Variants in CHPT1 observed in about 807,000 individuals in gnomAD.
CHPT1 encodes the protein choline phosphotransferase 1.
Under a neutral mutation model 47.6 loss-of-function variants are expected in CHPT1, and 36 were observed. The ratio of observed to expected loss-of-function variants is 0.76; its 90% confidence interval spans 0.58 to 1.00. The LOEUF (loss-of-function observed/expected upper bound fraction) is 1.00, where lower values mean the gene tolerates loss of function less well. Among genes scored for constraint, CHPT1 ranks in the 50% least tolerant of loss-of-function variants. The probability of loss-of-function intolerance (pLI) is 0.00; values close to 1 mark genes in which losing one functional copy is unlikely to be tolerated. For synonymous variants in CHPT1, 194 were observed against 186.3 expected (o/e 1.04, Z -0.33); for missense variants, 458 against 498.1 (o/e 0.92, Z 0.77).
At chr12:101,700,721 A>G (rs1342354859) in intron 1 of CHPT1, among the ~76,000 whole-genome samples, 1 of 152,194 alleles carries the variant, frequency 6.6e-6, no homozygotes, top group Non-Finnish European at 1.5e-5. Context: ...TCTTGTTATC[A>G]GCCAAAGAGG....
chr12:101,710,772 A>G (rs972235667), intron 1 of CHPT1, among the ~76,000 whole-genome samples: 2 of 148,810 alleles, frequency 1.3e-5, no homozygotes, highest in Admixed American at 6.8e-5. Flanking sequence ...TAAGCTTTCA[A>G]TGTTGACTTT....
chr12:101,702,125 T>C (rs568683152), intron 1 of CHPT1, among the ~76,000 whole-genome samples: 1 of 152,184 alleles, frequency 6.6e-6, no homozygotes, highest in Non-Finnish European at 1.5e-5. Context: ...TTAATGTAAC[T>C]CCTACATTTA....
chr12:101,724,178 C>T (rs1167678530), intron 7 of CHPT1, among the ~76,000 whole-genome samples: 2 of 150,240 alleles, frequency 1.3e-5, no homozygotes, highest in East Asian at 3.9e-4. Context: ...GAGATCATGC[C>T]ACTGCACTCC....
Position 101,697,907 on chromosome 12 carries a change from G to GCGCTGAGCGAGC in CHPT1, c.56_67dup (p.Glu19_Ser22dup), listed in dbSNP as rs776745016. 12 of 1,381,596 alleles carry GCGCTGAGCGAGC rather than the reference G, an allele frequency of 8.7e-6. No individual in the cohort carries two copies. The East Asian group carries it at 9.2e-5, about 11-fold the overall frequency. The allele number at this position is 1,381,596 out of a possible 1,614,324, so 85.6% of individuals were successfully genotyped here. ...CGGGTCCGCGCCGCGCTGGCTGAGG[G>GCGCTGAGCGAGC]CGCTGAGCGAGCCGCTGAGCGCGGC... On this transcript the variant is annotated inframe_insertion, in exon 1 of 9. Coordinates refer to ENST00000229266, the MANE Select transcript of CHPT1 (RefSeq NM_020244.3).
Position 101,708,650 on chromosome 12 carries a change from C to G in CHPT1, c.274-5440C>G, listed in dbSNP as rs1447053541. 6.5e-5 allele frequency among the ~76,000 whole-genome samples: 8 copies of G among 123,592 alleles called. 2 individuals are homozygous for G. Among genetic ancestry groups the G allele is most frequent in the East Asian group, 2.5e-4 (1 of 3,966 alleles). 81.1% of individuals were successfully genotyped at this position (123,592 alleles called of 152,430 possible). ...AGAGACAGGGTCTCACTCTGTTGCC[C>G]CAGCTGGAGTGCAGTGGCTCACTTC... On this transcript the variant is annotated intron_variant, in intron 1 of 8. Transcript: ENST00000229266.
At chr12:101,702,762 G>C (rs975953459) in intron 1 of CHPT1, among the ~76,000 whole-genome samples, 1 of 151,936 alleles carries the variant, frequency 6.6e-6, no homozygotes, top group African/African-American at 2.4e-5. Flanking sequence ...ATTAAGGCAG[G>C]ACTCTTGTAA....
chr12:101,728,787 A>C, intron 8 of CHPT1, 114 bp from the exon 9 acceptor site: 3 of 1,217,654 alleles, frequency 2.5e-6, no homozygotes, highest in Non-Finnish European at 3.5e-6. Context: ...GACTTAACAG[A>C]AAGGGAGGTC....
intron 7 of CHPT1, among the ~76,000 whole-genome samples, chr12:101,725,523 A>T (rs557254232): frequency 1.3e-5 from 2 of 152,116 alleles, no homozygotes; most frequent in Admixed American, 6.6e-5. Context: ...AAAATCAATC[A>T]TCTGTCGTAA....
At chr12:101,708,910 A>C (rs1442114638) in intron 1 of CHPT1, among the ~76,000 whole-genome samples, 4 of 149,128 alleles carry the variant, frequency 2.7e-5, no homozygotes, top group Non-Finnish European at 6.0e-5. Flanking sequence ...AAAACTTTAA[A>C]TGTTAGAATG....
chr12:101,710,726 T>C (rs1349767755), intron 1 of CHPT1, among the ~76,000 whole-genome samples: 1 of 148,946 alleles, frequency 6.7e-6, no homozygotes, highest in Admixed American at 6.8e-5. Context: ...CCATGAGACC[T>C]GCCTGTAGCT....
chr12:101,724,627 G>A (rs1951911995), intron 7 of CHPT1, among the ~76,000 whole-genome samples: 1 of 152,146 alleles, frequency 6.6e-6, no homozygotes, highest in South Asian at 2.1e-4. Flanking sequence ...TATGCTAGAT[G>A]TAAGGAACCC....
chr12:101,716,640 C>T (rs990172543), intron 3 of CHPT1, 88 bp from the exon 4 acceptor site: 3 of 732,430 alleles, frequency 4.1e-6, no homozygotes, highest in African/African-American at 3.6e-5. Context: ...GAGATTTTTA[C>T]ATCTTTGCTA....
intron 5 of CHPT1, among the ~76,000 whole-genome samples, chr12:101,722,393 C>T (rs906748862): frequency 1.3e-5 from 2 of 152,022 alleles, no homozygotes; most frequent in Non-Finnish European, 2.9e-5. Flanking sequence ...GATTTAATAA[C>T]CTCAATACCA....
chr12:101,698,894 T>C (rs556168043), intron 1 of CHPT1, among the ~76,000 whole-genome samples: 1 of 152,220 alleles, frequency 6.6e-6, no homozygotes, highest in Non-Finnish European at 1.5e-5. Context: ...TTCACTCCCA[T>C]CTATAGTTTA....
At chr12:101,704,139 T>G (rs1353093168) in intron 1 of CHPT1, among the ~76,000 whole-genome samples, 1 of 152,206 alleles carries the variant, frequency 6.6e-6, no homozygotes, top group Admixed American at 6.5e-5. Context: ...CCCTTCTGCA[T>G]AGATGTCAAT....
At position 101,720,113 on chromosome 12, in the gene CHPT1, AC is replaced by A; in HGVS notation, c.649-6del. Reference sequence around the variant, plus strand: ...GTTGTCTTAATTGTTTCTTTCTTCTACCCCTAAAGATTCCTATTCTAGAAAT... The same window carrying A: ...GTTGTCTTAATTGTTTCTTTCTTCTACCCTAAAGATTCCTATTCTAGAAAT... On this transcript the variant is annotated splice_polypyrimidine_tract_variant and intron_variant, in intron 4 of 8. Transcript: ENST00000229266. 1 of 1,569,422 alleles carries A rather than the reference AC, an allele frequency of 6.4e-7. No individual in the cohort carries two copies. The highest frequency in any genetic ancestry group is 8.6e-7 in the Non-Finnish European group (1 of 1,160,436).
chr12:101,714,157 A>G lies in CHPT1; in HGVS notation c.341A>G (p.Asp114Gly), dbSNP rs747854303. The G allele has an allele frequency of 6.2e-7, 1 of 1,612,470 alleles. No homozygotes were observed. Among genetic ancestry groups the G allele is most frequent in the African/African-American group, 1.3e-5 (1 of 74,896 alleles). Reference sequence around the variant, plus strand: ...ATTTACCAGTCACTGGATGCTATTGATGGGAAACAAGCCAGAAGAACAAAC... The same window carrying G: ...ATTTACCAGTCACTGGATGCTATTGGTGGGAAACAAGCCAGAAGAACAAAC... ...LFIYQSLDAIDGKQARRTNSC... is the reference protein window; with the variant it reads ...LFIYQSLDAIGGKQARRTNSC... The change falls in exon 2 of 9, where the codon GAT (aspartate) becomes GGT (glycine). Residue 114 changes from aspartate to glycine, a missense_variant. Coordinates refer to ENST00000229266, the MANE Select transcript of CHPT1 (RefSeq NM_020244.3).
At chr12:101,709,700 TG>T (rs1281274155) in intron 1 of CHPT1, among the ~76,000 whole-genome samples, 1 of 148,900 alleles carries the variant, frequency 6.7e-6, no homozygotes, top group Non-Finnish European at 1.5e-5. Context: ...TGTGCCTTTC[TG>T]GGTTTAAAGG....
chr12:101,723,251 T>C lies in CHPT1; in HGVS notation c.864T>C (p.Asp288=). 5.6e-6 allele frequency: 9 copies of C among 1,612,344 alleles called. No homozygotes were observed. Among genetic ancestry groups the C allele is most frequent in the Non-Finnish European group, 7.6e-6 (9 of 1,178,456 alleles). ...AIMIYKKSAT[D]VFEKHPCLYI... Reference sequence around the variant, plus strand: ...TGATCTATAAAAAGTCAGCAACTGATGTGTTTGAAAAGCATCCTTGTCTTT... The same window carrying C: ...TGATCTATAAAAAGTCAGCAACTGACGTGTTTGAAAAGCATCCTTGTCTTT... The change falls in exon 6 of 9, where the codon GAT becomes GAC. Residue 288 remains aspartate (D), a synonymous_variant. Transcript: ENST00000229266.
Sources: allele counts gnomAD v4.1 joint callset (sites outside exome capture counted in the v4.1 genomes callset), GRCh38; gene constraint gnomAD v4.1.1; transcripts MANE v1.5; gene names NCBI Gene and HGNC (gene_info 2026-07-23, HGNC 2026-07-21).